The following NAV1 variants were observed in gnomAD, a reference collection of about 807,000 sequenced individuals.
NAV1 encodes the protein neuron navigator 1, also known as pore membrane and/or filament interacting like protein 3.
In NAV1, 18 loss-of-function variants were observed where a neutral mutation model predicts 175.2. The observed-to-expected ratio is 0.10, with a 90% CI of 0.07 to 0.15. The LOEUF (loss-of-function observed/expected upper bound fraction) is 0.15. Among genes scored for constraint, NAV1 ranks in the 10% least tolerant of loss-of-function variants. The pLI, the probability that NAV1 is intolerant of heterozygous loss-of-function variation, is 1.00. For missense variants in NAV1, 1,731 were observed against 2,436.6 expected (o/e 0.71, Z 6.10); for synonymous variants, 897 against 978.7 (o/e 0.92, Z 1.56).
At chr1:201,673,537 G>A (rs998185174) in intron 1 of NAV1, among the ~76,000 whole-genome samples, 35 of 152,174 alleles carry the variant, frequency 2.3e-4, no homozygotes, top group African/African-American at 8.0e-4. Context: ...GCCACTCTCA[G>A]CATTGGCCAT....
chr1:201,790,081 C>A (rs1339352845), intron 11 of NAV1, among the ~76,000 whole-genome samples: 1 of 152,188 alleles, frequency 6.6e-6, no homozygotes, highest in Non-Finnish European at 1.5e-5. Context: ...CAAGCCCTTT[C>A]TGTGCCATGG....
In NAV1 at chr1:201,589,158, G is replaced by A. The variant is rs191460277; in HGVS notation, c.-33+509G>A. ...CCACTGCACCCGGCCCAAAAGTTTGGATTTTATTATATTTGAATCATATCT... is the reference window on the plus strand; with the variant it reads ...CCACTGCACCCGGCCCAAAAGTTTGAATTTTATTATATTTGAATCATATCT... On this transcript the variant is annotated intron_variant, in intron 2 of 33. Coordinates refer to the NAV1 transcript ENST00000685211. Among the ~76,000 whole-genome samples, 17 of 152,164 alleles carry A rather than the reference G, an allele frequency of 1.1e-4. No individual in the cohort carries two copies. In the East Asian group the frequency reaches 1.7e-3, roughly 16 times the overall value.
chr1:201,712,881 G>T (rs1671969215), exon 2 of NAV1: 1 of 1,614,050 alleles, frequency 6.2e-7, no homozygotes, highest in Admixed American at 1.7e-5. Context: ...ACCTGGAAGA[G>T]ACCATGTCCA....
intron 1 of NAV1, among the ~76,000 whole-genome samples, chr1:201,709,130 G>C (rs1223027055): frequency 7.3e-6 from 1 of 136,782 alleles, no homozygotes; most frequent in Admixed American, 7.6e-5. Context: ...AGGAGACAGA[G>C]TAAGACCCTG....
Position 201,810,600 on chromosome 1 carries a change from C to G in NAV1, c.4639C>G (p.Leu1547Val), listed in dbSNP as rs1020142177. ...GCCGATGATGCAGCACTACATAAGC[C>G]TCCTGCTGAAGCACCGGCGCCTCGT... Residue 1547 changes from leucine to valine, a missense_variant, in exon 24 of 30, where the codon CTC becomes GTC. Physicochemically the swap from Leu to Val is conservative, Grantham distance 32. This residue lies in a region of NAV1 where 115 missense variants were observed against 269.4 expected (regional missense o/e 0.43). Transcript: ENST00000367296. This position sits in a 1 kb window ranked among gnomAD's most constrained non-coding sequence, Gnocchi z 6.0. The G allele has an allele frequency of 2.5e-6, 4 of 1,613,958 alleles. No homozygotes were observed. The African/African-American group carries it at 5.3e-5, about 22-fold the overall frequency.
intron 3 of NAV1, among the ~76,000 whole-genome samples, chr1:201,743,599 C>G (rs978308527): frequency 1.3e-5 from 2 of 152,166 alleles, no homozygotes; most frequent in African/African-American, 4.8e-5. Flanking sequence ...GGAATTATGA[C>G]CACGTGAAGT....
At chr1:201,549,768 C>T (rs920793690) in intron 1 of NAV1, among the ~76,000 whole-genome samples, 7 of 150,876 alleles carry the variant, frequency 4.6e-5, no homozygotes, top group African/African-American at 1.7e-4. Context: ...CCCAGCACTT[C>T]GGGAGGCTGA....
Position 201,810,521 on chromosome 1 carries a change from A to C in NAV1, c.4562-2A>C. On this transcript the variant is annotated splice_acceptor_variant, in intron 23 of 29. Coordinates refer to ENST00000367296, the Ensembl canonical transcript of NAV1. LOFTEE classifies it high-confidence loss of function. This position sits in a 1 kb window ranked among gnomAD's most constrained non-coding sequence, Gnocchi z 6.0. ...CTCATGCTTTCTGGGGTGGGGGTTC[A>C]GGTCTGAAGGAGAAATGCGTCGACA... 6.2e-7 allele frequency: 1 copy of C among 1,605,620 alleles called. No individual in the cohort carries two copies. The highest frequency in any genetic ancestry group is 8.5e-7 in the Non-Finnish European group (1 of 1,176,040).
chr1:201,642,525 T>TCTTTCTTTCTTTCTTTCTTTCTTTCTTTC (rs1553247054), intron 2 of NAV1, among the ~76,000 whole-genome samples: 5 of 100,306 alleles, frequency 5.0e-5, no homozygotes, highest in African/African-American at 2.2e-4. Context: ...TTCTTTCTTT[T>TCTTTCTTTCTTTCTTTCTTTCTTTCTTTC]TTTCTTTCTT....
intron 1 of NAV1, among the ~76,000 whole-genome samples, chr1:201,583,905 A>G (rs1478680948): frequency 6.6e-6 from 1 of 152,218 alleles, no homozygotes; most frequent in Non-Finnish European, 1.5e-5. Context: ...AGTAGAATGT[A>G]GCAATCTCAC....
At chr1:201,692,796 C>G (rs1355964967) in intron 1 of NAV1, among the ~76,000 whole-genome samples, 1 of 152,194 alleles carries the variant, frequency 6.6e-6, no homozygotes, top group Non-Finnish European at 1.5e-5. Context: ...GCCTGTGCCT[C>G]CAGGGAGTCA....
chr1:201,545,190 C>T (rs1465714157), intron 1 of NAV1, among the ~76,000 whole-genome samples: 1 of 152,080 alleles, frequency 6.6e-6, no homozygotes, highest in African/African-American at 2.4e-5. Flanking sequence ...TTCTCCTCCT[C>T]GTCATTCCAC....
chr1:201,649,386 C>G (rs764945205), exon 1 of NAV1: 1 of 1,592,830 alleles, frequency 6.3e-7, no homozygotes, highest in Non-Finnish European at 8.6e-7. Context: ...GGTGACCGTG[C>G]TGGGAGACCT....
At chr1:201,742,505 C>T (rs1296940426) in intron 3 of NAV1, among the ~76,000 whole-genome samples, 1 of 152,158 alleles carries the variant, frequency 6.6e-6, no homozygotes, top group African/African-American at 2.4e-5. Context: ...GTATCTCAAA[C>T]ATTATGGTCT....
At position 201,808,229 on chromosome 1, in the gene NAV1, C is replaced by T; in HGVS notation, c.3845+80C>T. ...CTAGAGTTGACAGGAGGCCATTAGACCTTAGACAAGCAGTACTTATTACTG... is the reference window on the plus strand; with the variant it reads ...CTAGAGTTGACAGGAGGCCATTAGATCTTAGACAAGCAGTACTTATTACTG... On this transcript the variant is annotated intron_variant, in intron 18 of 29. Coordinates refer to ENST00000367296, the Ensembl canonical transcript of NAV1. This position sits in a 1 kb window ranked among gnomAD's most constrained non-coding sequence, Gnocchi z 5.5. 1 of 1,524,486 alleles carries T rather than the reference C, an allele frequency of 6.6e-7. No individual in the cohort carries two copies. Among genetic ancestry groups the T allele is most frequent in the Non-Finnish European group, 9.0e-7 (1 of 1,111,802 alleles). 94.4% of individuals were successfully genotyped at this position (1,524,486 alleles called of 1,614,324 possible).
At position 201,783,382 on chromosome 1, in the gene NAV1, A is replaced by G; in HGVS notation, c.2358-24A>G. ...TCACTCTGTAATTCTATTATTCTAA[A>G]TATTTCGTTTGATCTTCTCTCAGGG... On this transcript the variant is annotated intron_variant, in intron 6 of 29. Coordinates refer to ENST00000367296, the Ensembl canonical transcript of NAV1. The G allele has an allele frequency of 6.2e-7, 1 of 1,605,496 alleles. No homozygotes were observed. Among genetic ancestry groups the G allele is most frequent in the Non-Finnish European group, 8.5e-7 (1 of 1,174,448 alleles).
Position 201,590,637 on chromosome 1 carries a change from G to A in NAV1, c.-33+1988G>A, listed in dbSNP as rs184639553. ...GGTGCCCAGGCCCAGCTGAGGAAGG[G>A]CTGCAGGGGAAGCTGCTGTTTGGGT... On this transcript the variant is annotated intron_variant, in intron 2 of 33. Coordinates refer to the NAV1 transcript ENST00000685211. Among the ~76,000 whole-genome samples the A allele has an allele frequency of 1.5e-3, 230 of 152,368 alleles. 3 individuals are homozygous for A. The highest frequency in any genetic ancestry group is 5.3e-3 in the African/African-American group (220 of 41,594).
exon 4 of NAV1, chr1:201,780,536 T>C: frequency 6.2e-7 from 1 of 1,614,144 alleles, no homozygotes; most frequent in Non-Finnish European, 8.5e-7. Context: ...TCCCACTGCT[T>C]CTCGCAGGAA....
chr1:201,648,693 G>T (rs1378567526), exon 1 of NAV1: 2 of 1,424,010 alleles, frequency 1.4e-6, no homozygotes, highest in South Asian at 1.5e-5. Context: ...CGTCAAGAGC[G>T]TGCAGCCCGA....
Sources: allele counts gnomAD v4.1 joint callset (sites outside exome capture counted in the v4.1 genomes callset), GRCh38; gene constraint gnomAD v4.1.1; regional missense constraint gnomAD v4.1.1; non-coding constraint Gnocchi (gnomAD v3.1); transcripts MANE v1.5; gene names NCBI Gene and HGNC (gene_info 2026-07-23, HGNC 2026-07-21).